Variants in ANTXR1 observed in about 807,000 individuals in gnomAD.
ANTXR1 encodes the protein ANTXR cell adhesion molecule 1.
Under a neutral mutation model 78.1 loss-of-function variants are expected in ANTXR1, and 19 were observed. The ratio of observed to expected loss-of-function variants is 0.24; its 90% confidence interval spans 0.17 to 0.36. The LOEUF (loss-of-function observed/expected upper bound fraction) is 0.36. Among genes scored for constraint, ANTXR1 ranks in the 10% least tolerant of loss-of-function variants. The pLI is 1.00. For synonymous variants in ANTXR1, 273 were observed against 260.5 expected (o/e 1.05, Z -0.46); for missense variants, 518 against 718.6 (o/e 0.72, Z 3.19).
At chr2:69,208,839 C>G (rs990532979) in intron 17 of ANTXR1, among the ~76,000 whole-genome samples, 10 of 152,198 alleles carry the variant, frequency 6.6e-5, no homozygotes, top group African/African-American at 2.2e-4. Context: ...TGGGCCAATT[C>G]CTATCCCAAA....
chr2:69,022,072 A>G (rs1671205819), intron 1 of ANTXR1, among the ~76,000 whole-genome samples: 1 of 152,198 alleles, frequency 6.6e-6, no homozygotes, highest in Admixed American at 6.5e-5. Context: ...TATTACATGA[A>G]TATATTTGAA....
intron 16 of ANTXR1, among the ~76,000 whole-genome samples, chr2:69,188,952 C>G (rs961458290): frequency 2.0e-5 from 3 of 152,208 alleles, no homozygotes; most frequent in Non-Finnish European, 4.4e-5. Flanking sequence ...AATCAAGGTT[C>G]CAAGAGCCTT....
intron 8 of ANTXR1, among the ~76,000 whole-genome samples, chr2:69,085,800 T>C (rs1553360752): frequency 2.0e-5 from 3 of 152,236 alleles, no homozygotes; most frequent in Non-Finnish European, 4.4e-5. Flanking sequence ...GATATTTCAT[T>C]GGTCAAATCA....
chr2:69,077,391 A>T lies in ANTXR1; in HGVS notation c.562-17A>T, dbSNP rs745626622. 6 of 1,613,970 alleles carry T rather than the reference A, an allele frequency of 3.7e-6. No homozygotes were observed. The South Asian group carries it at 6.6e-5, about 18-fold the overall frequency. On this transcript the variant is annotated splice_polypyrimidine_tract_variant and intron_variant, in intron 7 of 17. Coordinates refer to ENST00000303714, the MANE Select transcript of ANTXR1 (RefSeq NM_032208.3). ...TAACAGTCTCCCCATGTGTTTGTGT[A>T]TTTGCTGTGTTCTCAGCTGGCCCGG...
chr2:69,071,311 A>G (rs534467165), intron 4 of ANTXR1, among the ~76,000 whole-genome samples: 4 of 152,354 alleles, frequency 2.6e-5, no homozygotes, highest in South Asian at 4.1e-4. Flanking sequence ...CACCTAGGCT[A>G]TATGGTGTAG....
intron 3 of ANTXR1, among the ~76,000 whole-genome samples, chr2:69,048,979 TTTTG>T (rs1669854175): frequency 6.6e-6 from 1 of 152,172 alleles, no homozygotes; most frequent in Non-Finnish European, 1.5e-5. Flanking sequence ...CTCAGTACGA[TTTTG>T]TTTTTTTCTT....
intron 11 of ANTXR1, among the ~76,000 whole-genome samples, chr2:69,124,047 C>T (rs1354012374): frequency 1.3e-5 from 2 of 152,114 alleles, no homozygotes; most frequent in Non-Finnish European, 2.9e-5. Context: ...CAGTTTCCAG[C>T]GAGTGTCTTA....
intron 1 of ANTXR1, among the ~76,000 whole-genome samples, chr2:69,033,896 C>A (rs1671601021): frequency 6.6e-6 from 1 of 152,122 alleles, no homozygotes. Flanking sequence ...GTATGTGTGG[C>A]TAATGGAAAG....
intron 17 of ANTXR1, among the ~76,000 whole-genome samples, chr2:69,242,005 G>A (rs1273353265): frequency 1.3e-5 from 2 of 152,142 alleles, no homozygotes; most frequent in Non-Finnish European, 2.9e-5. Flanking sequence ...CCCTCTGGCT[G>A]CTCGATGAGA....
intron 8 of ANTXR1, among the ~76,000 whole-genome samples, chr2:69,078,711 A>G (rs1478311607): frequency 2.0e-5 from 3 of 152,226 alleles, no homozygotes; most frequent in African/African-American, 7.2e-5. Flanking sequence ...TACAAGGATT[A>G]CTGGTGAAAA....
At chr2:69,136,933 G>T (rs1217413995) in intron 12 of ANTXR1, among the ~76,000 whole-genome samples, 2 of 152,196 alleles carry the variant, frequency 1.3e-5, no homozygotes, top group Non-Finnish European at 2.9e-5. Flanking sequence ...GCTGTCATGG[G>T]TTCTGGGTAG....
intron 16 of ANTXR1, among the ~76,000 whole-genome samples, chr2:69,185,881 C>T (rs1385860942): frequency 2.0e-5 from 3 of 152,144 alleles, no homozygotes; most frequent in African/African-American, 7.2e-5. Flanking sequence ...CTCGTTAGGA[C>T]GTGCAGAGCA....
chr2:69,156,876 T>C (rs561290271), intron 13 of ANTXR1, among the ~76,000 whole-genome samples: 16 of 152,322 alleles, frequency 1.1e-4, no homozygotes, highest in African/African-American at 3.1e-4. Flanking sequence ...TCCTCCAACA[T>C]TGGGGATCAC....
At chr2:69,157,860 C>A (rs1364163591) in intron 13 of ANTXR1, among the ~76,000 whole-genome samples, 3 of 152,218 alleles carry the variant, frequency 2.0e-5, no homozygotes, top group African/African-American at 7.2e-5. Flanking sequence ...AAAAAGGCAG[C>A]CAGGTGATGA....
chr2:69,030,159 T>A (rs182070233), intron 1 of ANTXR1, among the ~76,000 whole-genome samples: 164 of 152,318 alleles, frequency 1.1e-3, no homozygotes, highest in East Asian at 3.3e-3. Flanking sequence ...GTCTTTCAAA[T>A]GTTGCCTTTC....
chr2:69,151,680 C>A (rs1347839776), intron 12 of ANTXR1, among the ~76,000 whole-genome samples: 2 of 152,174 alleles, frequency 1.3e-5, no homozygotes, highest in Non-Finnish European at 2.9e-5. Context: ...GGCATCCCAT[C>A]AGCAGGCTCT....
chr2:69,201,173 A>T (rs1258626152), intron 17 of ANTXR1, among the ~76,000 whole-genome samples: 1 of 152,236 alleles, frequency 6.6e-6, no homozygotes, highest in Non-Finnish European at 1.5e-5. Flanking sequence ...GGAGCTGAGC[A>T]CATGAGGTGT....
chr2:69,020,394 C>CTGTTTTGTTTTGTTT (rs57902226), intron 1 of ANTXR1, among the ~76,000 whole-genome samples: 9,859 of 151,248 alleles, frequency 0.065, 1,109 homozygotes, highest in African/African-American at 0.23. Flanking sequence ...TAAGGCAAAA[C>CTGTTTTGTTTTGTTT]TGTTTTGTTT....
At position 69,182,559 on chromosome 2, in the gene ANTXR1, G is replaced by T; in HGVS notation, c.1252G>T (p.Val418Phe). Residue 418 changes from valine (V) to phenylalanine (F), a missense_variant, in exon 16 of 18, where the codon GTC (valine) becomes TTC (phenylalanine). Coordinates refer to ENST00000303714, the MANE Select transcript of ANTXR1 (RefSeq NM_032208.3). ...GTTGGAAAAGGCAAAGAATGCAAGA[G>T]TCAAGATGCCGGAGCAGGAATATGA... Reference protein sequence around the residue: ...AKLEKAKNARVKMPEQEYEFP... With the variant: ...AKLEKAKNARFKMPEQEYEFP... The T allele has an allele frequency of 1.2e-6, 2 of 1,614,210 alleles. No homozygotes were observed. Among genetic ancestry groups the T allele is most frequent in the Non-Finnish European group, 1.7e-6 (2 of 1,180,046 alleles).
Sources: gnomAD v4.1 joint callset for allele counts (sites outside exome capture counted in the v4.1 genomes callset) on GRCh38, gnomAD v4.1.1 for gene constraint, MANE v1.5 for transcripts, NCBI Gene and HGNC (gene_info 2026-07-23, HGNC 2026-07-21) for gene names.